The following NCKAP1 variants were observed in gnomAD, a reference collection of about 807,000 sequenced individuals.
NCKAP1 encodes the protein NCK associated protein 1.
NCKAP1 carries 21 observed loss-of-function variants against 151.2 expected under a neutral mutation model. That is an observed-to-expected ratio of 0.14 (90% confidence interval 0.10 to 0.20). The LOEUF is 0.20. Among genes scored for constraint, NCKAP1 ranks in the 10% least tolerant of loss-of-function variants. NCKAP1 has a pLI of 1.00. For missense variants in NCKAP1, 933 were observed against 1,352.1 expected (o/e 0.69, Z 4.86); for synonymous variants, 484 against 451.8 (o/e 1.07, Z -0.90).
intron 2 of NCKAP1, among the ~76,000 whole-genome samples, chr2:183,005,761 A>G (rs1259961911): frequency 6.6e-6 from 1 of 152,178 alleles, no homozygotes; most frequent in East Asian, 1.9e-4. Flanking sequence ...CACACTACAT[A>G]CGGTAGCCAA....
At chr2:183,025,463 T>C (rs1195732924) in intron 1 of NCKAP1, among the ~76,000 whole-genome samples, 1 of 152,138 alleles carries the variant, frequency 6.6e-6, no homozygotes, top group Non-Finnish European at 1.5e-5. Flanking sequence ...TGCCAAAGTA[T>C]AAAAATCAAT....
chr2:183,019,749 G>T (rs1162957157), intron 2 of NCKAP1, among the ~76,000 whole-genome samples: 2 of 152,152 alleles, frequency 1.3e-5, no homozygotes, highest in Non-Finnish European at 2.9e-5. Flanking sequence ...TATTCATTTT[G>T]AATTTCATTT....
chr2:183,012,718 T>C (rs1698611810), intron 2 of NCKAP1, among the ~76,000 whole-genome samples: 1 of 151,514 alleles, frequency 6.6e-6, no homozygotes, highest in South Asian at 2.1e-4. Context: ...GTTCAAGTGA[T>C]TCTTGTGCCT....
rs1479683886 is a variant in NCKAP1, at chr2:182,967,200, G to A, written c.1628+16C>T. 2 of 1,586,298 alleles carry A rather than the reference G, an allele frequency of 1.3e-6. No individual in the cohort carries two copies. The highest frequency in any genetic ancestry group is 2.2e-5 in the East Asian group (1 of 44,660). Reference sequence around the variant, plus strand: ...TAAAACTTTCAAATCCAGATTTAGAGAAAATTACAACATACCAAAATATGG... The same window carrying A: ...TAAAACTTTCAAATCCAGATTTAGAAAAAATTACAACATACCAAAATATGG... On this transcript the variant is annotated intron_variant, in intron 16 of 30. Coordinates refer to ENST00000361354, the MANE Select transcript of NCKAP1 (RefSeq NM_013436.5).
intron 23 of NCKAP1, among the ~76,000 whole-genome samples, chr2:182,948,477 A>G (rs1697151534): frequency 6.6e-6 from 1 of 152,182 alleles, no homozygotes; most frequent in African/African-American, 2.4e-5. Context: ...ATAAGAGAGA[A>G]ATGTTAAAAC....
chr2:182,984,309 A>G (rs1158485117), intron 10 of NCKAP1, among the ~76,000 whole-genome samples: 2 of 152,180 alleles, frequency 1.3e-5, no homozygotes, highest in African/African-American at 2.4e-5. Flanking sequence ...AATTAAGATT[A>G]GAAAACATTC....
intron 8 of NCKAP1, among the ~76,000 whole-genome samples, chr2:182,990,593 A>C (rs1698147764): frequency 1.3e-5 from 2 of 152,036 alleles, no homozygotes; most frequent in South Asian, 4.1e-4. Context: ...AGGACGTAAG[A>C]CCTCATCTTT....
chr2:182,978,149 T>C (rs934406630), intron 14 of NCKAP1, among the ~76,000 whole-genome samples: 4 of 152,206 alleles, frequency 2.6e-5, no homozygotes, highest in African/African-American at 7.2e-5. Flanking sequence ...GTTTCATTAC[T>C]TAGATGTGGT....
At position 182,953,165 on chromosome 2, in the gene NCKAP1, G is replaced by T. The variant is rs1697253653; in HGVS notation, c.2320C>A (p.Gln774Lys). Residue 774 changes from glutamine (Q) to lysine (K), a missense_variant, in exon 21 of 31, where the codon CAA (glutamine) becomes AAA (lysine). Coordinates refer to ENST00000361354, the MANE Select transcript of NCKAP1 (RefSeq NM_013436.5). The stretch of plus-strand genomic sequence containing the variant: ...GGCTCTCCATGACTGTCTAAATGTT[G>T]TGTTTGTTGAAGAAGCACATTATTA... ...VFNNVLLQQT[Q>K]HLDSHGEPTI... The T allele has an allele frequency of 6.2e-7, 1 of 1,613,404 alleles. No individual in the cohort carries two copies. The highest frequency in any genetic ancestry group is 8.5e-7 in the Non-Finnish European group (1 of 1,179,512).
rs1434234576 is a variant in NCKAP1 at position 182,909,930 on chromosome 2, G to T, written c.*15772C>A. 6.6e-6 allele frequency: 1 copy of T among 152,184 alleles called. No homozygotes were observed. Among genetic ancestry groups the T allele is most frequent in the Non-Finnish European group, 1.5e-5 (1 of 68,042 alleles). 9.4% of individuals were successfully genotyped at this position (152,184 alleles called of 1,614,324 possible). A position where few individuals can be genotyped will look rare whatever the true frequency, so the allele number is the denominator to read the frequency against. ...AAGGCCACAAATTCTGTCACATTTG[G>T]TGTTCAGACACGTATAACCAAGTCT... On this transcript the variant is annotated 3_prime_UTR_variant, in exon 31 of 31. Coordinates refer to ENST00000361354, the MANE Select transcript of NCKAP1 (RefSeq NM_013436.5).
At chr2:182,945,056 G>A (rs1697073275) in intron 23 of NCKAP1, among the ~76,000 whole-genome samples, 1 of 152,148 alleles carries the variant, frequency 6.6e-6, no homozygotes, top group Non-Finnish European at 1.5e-5. Flanking sequence ...CCAACATGGT[G>A]AAACACCACC....
chr2:183,018,501 C>A (rs1212840699), intron 2 of NCKAP1, among the ~76,000 whole-genome samples: 1 of 152,092 alleles, frequency 6.6e-6, no homozygotes, highest in Non-Finnish European at 1.5e-5. Flanking sequence ...ACAGTGCATG[C>A]ATGTGTCAAG....
chr2:182,930,711 A>G lies in NCKAP1; in HGVS notation c.2937T>C (p.Leu979=). The G allele has an allele frequency of 6.2e-7, 1 of 1,613,244 alleles. No individual in the cohort carries two copies. The highest frequency in any genetic ancestry group is 8.5e-7 in the Non-Finnish European group (1 of 1,179,310). ...CEIDPALVVA[L]SSQKSENISP... The stretch of plus-strand genomic sequence containing the variant: ...GCATTTTACCCGATTTTTGTGAAGA[A>G]AGAGCTACGACCAATGCAGGATCAA... Residue 979 remains leucine, a synonymous_variant, in exon 27 of 31, where the codon CTT becomes CTC. Transcript: ENST00000361354.
At chr2:182,969,748 T>A (rs1304836713) in intron 15 of NCKAP1, among the ~76,000 whole-genome samples, 1 of 151,776 alleles carries the variant, frequency 6.6e-6, no homozygotes, top group Non-Finnish European at 1.5e-5. Context: ...AAAGCAAGAA[T>A]AAACCAAATC....
chr2:182,989,957 T>A (rs1698134564), intron 8 of NCKAP1, among the ~76,000 whole-genome samples: 1 of 151,578 alleles, frequency 6.6e-6, no homozygotes, highest in African/African-American at 2.4e-5. Flanking sequence ...GCCACTGCAC[T>A]CCGGCCTGGG....
At chr2:182,958,007 C>T (rs1167950431) in intron 18 of NCKAP1, among the ~76,000 whole-genome samples, 1 of 152,128 alleles carries the variant, frequency 6.6e-6, no homozygotes. Flanking sequence ...TGTGGTGGAG[C>T]ATAACGTGTA....
At chr2:182,942,386 T>A (rs1177102432) in intron 23 of NCKAP1, among the ~76,000 whole-genome samples, 1 of 152,050 alleles carries the variant, frequency 6.6e-6, no homozygotes, top group Non-Finnish European at 1.5e-5. Flanking sequence ...AGGAAGGAGT[T>A]CAGGAAAAGC....
At position 182,934,846 on chromosome 2, in the gene NCKAP1, CAAAT is replaced by C; in HGVS notation, c.2779-18_2779-15del. 1.6e-6 allele frequency: 2 copies of C among 1,237,996 alleles called. No individual in the cohort carries two copies. The highest frequency in any genetic ancestry group is 2.3e-6 in the Non-Finnish European group (2 of 874,374). 76.7% of individuals were successfully genotyped at this position (1,237,996 alleles called of 1,614,324 possible). ...GTAGGATAAGACCTAGGCAGGATAA[CAAAT>C]AAGAATACAGAATTATTTTTAAATG... is the stretch of plus-strand genomic sequence containing the variant. On this transcript the variant is annotated splice_polypyrimidine_tract_variant and intron_variant, in intron 25 of 30. Coordinates refer to ENST00000361354, the MANE Select transcript of NCKAP1 (RefSeq NM_013436.5).
chr2:182,970,895 T>C (rs944145563), intron 15 of NCKAP1, among the ~76,000 whole-genome samples: 1 of 152,018 alleles, frequency 6.6e-6, no homozygotes, highest in African/African-American at 2.4e-5. Context: ...ATCAACCAAT[T>C]CAGTTTCATG....
Sources: allele counts gnomAD v4.1 joint callset (sites outside exome capture counted in the v4.1 genomes callset), GRCh38; gene constraint gnomAD v4.1.1; transcripts MANE v1.5; gene names NCBI Gene and HGNC (gene_info 2026-07-23, HGNC 2026-07-21).